The following TENM2 variants were observed in gnomAD, a reference collection of about 807,000 sequenced individuals.
TENM2 encodes teneurin transmembrane protein 2.
In TENM2, 52 loss-of-function variants were observed where a neutral mutation model predicts 245.2. That is an observed-to-expected ratio of 0.21 (90% CI 0.17 to 0.27). The LOEUF (loss-of-function observed/expected upper bound fraction) is 0.27. Among genes scored for constraint, TENM2 ranks in the 10% least tolerant of loss-of-function variants. The pLI, the probability that TENM2 is intolerant of heterozygous loss-of-function variation, is 1.00. For missense variants in TENM2, 3,046 were observed against 3,666.8 expected, an observed-to-expected ratio of 0.83 and a Z score of 4.37; for synonymous variants, 1,363 against 1,438.9, an observed-to-expected ratio of 0.95 and a Z score of 1.19.
chr5:167,506,080 A>C (rs1769525895), intron 2 of TENM2, among the ~76,000 whole-genome samples: 1 of 152,190 alleles, frequency 6.6e-6, no homozygotes, highest in Non-Finnish European at 1.5e-5. Context: ...CCAGGAAGGA[A>C]ATGAAGAGAA....
At chr5:168,054,829 G>A (rs984515046) in intron 6 of TENM2, among the ~76,000 whole-genome samples, 3 of 152,194 alleles carry the variant, frequency 2.0e-5, no homozygotes, top group East Asian at 1.9e-4. Flanking sequence ...GGACTATCCT[G>A]TAAAATTGAT....
the TENM2 span, among the ~76,000 whole-genome samples, chr5:167,100,126 T>C: frequency 1.3e-5 from 2 of 152,232 alleles, no homozygotes; most frequent in African/African-American, 4.8e-5. Flanking sequence ...AAGATGGCCT[T>C]GTGTTTTCAT....
chr5:167,835,049 C>A (rs551583509), intron 2 of TENM2, among the ~76,000 whole-genome samples: 1 of 152,272 alleles, frequency 6.6e-6, no homozygotes, highest in Non-Finnish European at 1.5e-5. Flanking sequence ...CTCGCACTGC[C>A]CCTGAGCATG....
chr5:167,648,158 CAT>C (rs1320456431), intron 2 of TENM2, among the ~76,000 whole-genome samples: 1 of 152,194 alleles, frequency 6.6e-6, no homozygotes, highest in African/African-American at 2.4e-5. Flanking sequence ...GTAAGAGCAT[CAT>C]GGGAAATGAC....
At chr5:167,435,975 CTTTTTTT>C (rs71591181) in intron 2 of TENM2, among the ~76,000 whole-genome samples, 7 of 83,172 alleles carry the variant, frequency 8.4e-5, no homozygotes, top group South Asian at 3.6e-4. Flanking sequence ...CTTTTTTTTT[CTTTTTTT>C]TTTTTTTTTT....
chr5:167,169,877 G>A, the TENM2 span, among the ~76,000 whole-genome samples: 2 of 152,172 alleles, frequency 1.3e-5, no homozygotes, highest in African/African-American at 2.4e-5. Flanking sequence ...GGGTAGTCTT[G>A]TCTAAGTGAT....
chr5:167,665,516 A>C (rs1755516204), intron 2 of TENM2, among the ~76,000 whole-genome samples: 1 of 152,188 alleles, frequency 6.6e-6, no homozygotes, highest in Admixed American at 6.5e-5. Context: ...AATAAATCAC[A>C]AACTTTTCAG....
chr5:167,240,228 G>A, the TENM2 span, among the ~76,000 whole-genome samples: 1 of 151,724 alleles, frequency 6.6e-6, no homozygotes. Context: ...AAGAACAGGA[G>A]GAGACAACAA....
chr5:167,160,056 G>A, the TENM2 span, among the ~76,000 whole-genome samples: 1 of 152,302 alleles, frequency 6.6e-6, no homozygotes, highest in East Asian at 1.9e-4. Context: ...ATGGGAGCAG[G>A]GAGTTCTATT....
chr5:168,043,998 C>A (rs774682951), intron 5 of TENM2, among the ~76,000 whole-genome samples: 64 of 152,314 alleles, frequency 4.2e-4, no homozygotes, highest in East Asian at 5.8e-4. Flanking sequence ...ATTCTGAAAT[C>A]CCTGTTCTCA....
At chr5:168,013,743 A>C (rs1470271928) in intron 5 of TENM2, among the ~76,000 whole-genome samples, 1 of 152,190 alleles carries the variant, frequency 6.6e-6, no homozygotes, top group Non-Finnish European at 1.5e-5. Context: ...TTAGTTTGCA[A>C]GGGCTGCCAT....
At chr5:168,169,880 C>G (rs1288149951) in intron 13 of TENM2, among the ~76,000 whole-genome samples, 2 of 152,176 alleles carry the variant, frequency 1.3e-5, no homozygotes, top group African/African-American at 4.8e-5. Context: ...GTCCAAAGAC[C>G]TTGTGGCAAA....
At chr5:167,566,943 T>TG (rs1773945622) in intron 2 of TENM2, among the ~76,000 whole-genome samples, 1 of 152,204 alleles carries the variant, frequency 6.6e-6, no homozygotes, top group Non-Finnish European at 1.5e-5. Flanking sequence ...GACAGACTTC[T>TG]GTTCAGCAGA....
intron 2 of TENM2, among the ~76,000 whole-genome samples, chr5:167,387,185 G>T (rs1225578513): frequency 6.6e-6 from 1 of 152,042 alleles, no homozygotes; most frequent in East Asian, 1.9e-4. Context: ...ATTTCTTTAG[G>T]CAGTGTTTTG....
rs1160974467 is a variant in TENM2 at position 167,842,580 on chromosome 5, CAAAAAAAAAAAAAAA to C, written c.503-33391_503-33377del. Among the ~76,000 whole-genome samples the C allele has an allele frequency of 7.9e-4, 36 of 45,332 alleles. 1 individual carries two copies. The South Asian group carries it at 0.017, about 21-fold the overall frequency. The allele number at this position is 45,332 out of a possible 152,430, so 29.7% of individuals were successfully genotyped here. A position where few individuals can be genotyped will look rare whatever the true frequency, so the allele number is the denominator to read the frequency against. ...CTGGGAAATGGACCAGACTCCATGTCAAAAAAAAAAAAAAAAAAAAAAAAAAAAAGAACCCTTTTA... is the reference window on the plus strand; with the variant it reads ...CTGGGAAATGGACCAGACTCCATGTCAAAAAAAAAAAAAAGAACCCTTTTA... On this transcript the variant is annotated intron_variant, in intron 2 of 28. Coordinates refer to ENST00000518659, the Ensembl canonical transcript of TENM2.
chr5:167,352,895 A>G (rs1457221046), intron 1 of TENM2, among the ~76,000 whole-genome samples: 3 of 152,180 alleles, frequency 2.0e-5, no homozygotes, highest in African/African-American at 7.2e-5. Flanking sequence ...GGATTTCTTT[A>G]AAGTCTCCCT....
At position 167,295,811 on chromosome 5, in the gene TENM2, C is replaced by A. The variant is rs141916896; in HGVS notation, c.226+10748C>A. 3.3e-3 allele frequency among the ~76,000 whole-genome samples: 509 copies of A among 152,278 alleles called. 1 individual carries two copies. Among genetic ancestry groups the A allele is most frequent in the African/African-American group, 0.012 (496 of 41,554 alleles). On this transcript the variant is annotated intron_variant, in intron 1 of 28. Transcript: ENST00000518659. ...TCTCTGCTGCAGCCAAACTCTCTCA[C>A]ACCACCAAGTTACTCAATATTCCTC...
chr5:167,880,698 A>G lies in TENM2; in HGVS notation c.712+4503A>G, dbSNP rs559501882. ...TAATTTCCTGTCAAAATTCCTTGTAACCTCCCTTAAATAAGACATAGAGCG... is the reference window on the plus strand; with the variant it reads ...TAATTTCCTGTCAAAATTCCTTGTAGCCTCCCTTAAATAAGACATAGAGCG... On this transcript the variant is annotated intron_variant, in intron 3 of 28. Transcript: ENST00000518659. Among the ~76,000 whole-genome samples, 12 of 152,240 alleles carry G rather than the reference A, an allele frequency of 7.9e-5. No homozygotes were observed. In the South Asian group the frequency reaches 1.0e-3, roughly 13 times the overall value.
the TENM2 span, among the ~76,000 whole-genome samples, chr5:167,189,243 G>A: frequency 6.6e-6 from 1 of 152,098 alleles, no homozygotes; most frequent in Non-Finnish European, 1.5e-5. Flanking sequence ...ATCACTCATA[G>A]TGTGAAAAAG....
Sources: gnomAD v4.1 joint callset for allele counts (sites outside exome capture counted in the v4.1 genomes callset) on GRCh38, gnomAD v4.1.1 for gene constraint, MANE v1.5 for transcripts, NCBI Gene and HGNC (gene_info 2026-07-23, HGNC 2026-07-21) for gene names.